The following EEIG1 variants were observed in gnomAD, a reference collection of about 807,000 sequenced individuals.
EEIG1 encodes the protein estrogen-induced osteoclastogenesis regulator 1, also known as early estrogen-induced gene 1 protein.
the EEIG1 span, among the ~76,000 whole-genome samples, chr9:127,953,006 C>G: frequency 6.6e-6 from 1 of 152,160 alleles, no homozygotes; most frequent in Non-Finnish European, 1.5e-5. Context: ...CGTGAGCCAC[C>G]ATGCCCAGCC....
chr9:127,964,246 T>C, the EEIG1 span, among the ~76,000 whole-genome samples: 2 of 152,172 alleles, frequency 1.3e-5, no homozygotes, highest in Admixed American at 6.5e-5. Context: ...ACAGCACCTC[T>C]CTCCACTGCT....
the EEIG1 span, chr9:127,950,689 T>TGGGACCCAAGGACAG: frequency 4.2e-6 from 6 of 1,427,484 alleles, no homozygotes; most frequent in Non-Finnish European, 5.5e-6. Flanking sequence ...GTTGCATAAC[T>TGGGACCCAAGGACAG]GGGACCCAAG....
At chr9:127,978,057 AG>A in the EEIG1 span, among the ~76,000 whole-genome samples, 1 of 152,136 alleles carries the variant, frequency 6.6e-6, no homozygotes, top group Admixed American at 6.5e-5. Context: ...TCAGGATCAC[AG>A]GCTTCCCAGG....
chr9:127,955,741 A>G, the EEIG1 span, among the ~76,000 whole-genome samples: 37 of 152,342 alleles, frequency 2.4e-4, no homozygotes, highest in East Asian at 6.9e-3. Flanking sequence ...TTCCTTAGCC[A>G]ATGAAAGCCC....
chr9:127,966,010 G>A, the EEIG1 span, among the ~76,000 whole-genome samples: 1 of 152,144 alleles, frequency 6.6e-6, no homozygotes, highest in Non-Finnish European at 1.5e-5. Context: ...GCCCCAAAAC[G>A]CTCTTTGTTC....
chr9:127,950,588 T>C, the EEIG1 span: 1 of 1,597,158 alleles, frequency 6.3e-7, no homozygotes, highest in Non-Finnish European at 8.6e-7. Context: ...TGTGGGCTCC[T>C]GGCTGGCGGA....
At chr9:127,945,668 G>T in the EEIG1 span, 1 of 1,594,660 alleles carries the variant, frequency 6.3e-7, no homozygotes, top group Non-Finnish European at 8.5e-7. The surrounding 1 kb of genome is among the most constrained non-coding windows in gnomAD (Gnocchi z 6.5). Flanking sequence ...TGGACTGCTG[G>T]CTGGCATAGC....
At chr9:127,978,491 C>T in the EEIG1 span, among the ~76,000 whole-genome samples, 1 of 151,912 alleles carries the variant, frequency 6.6e-6, no homozygotes, top group African/African-American at 2.4e-5. Flanking sequence ...CCCAGGCACT[C>T]GGCCAGGCCC....
chr9:127,954,534 T>C, the EEIG1 span, among the ~76,000 whole-genome samples: 2 of 152,336 alleles, frequency 1.3e-5, no homozygotes, highest in South Asian at 4.1e-4. Context: ...TGCCAGGCAC[T>C]GTTCAAAGAA....
the EEIG1 span, among the ~76,000 whole-genome samples, chr9:127,965,758 CGAAGA>C: frequency 6.6e-6 from 1 of 152,214 alleles, no homozygotes; most frequent in Non-Finnish European, 1.5e-5. Flanking sequence ...TGTGCTTCCC[CGAAGA>C]GAAGAGAATA....
chr9:127,958,034 C>T, the EEIG1 span, among the ~76,000 whole-genome samples: 1 of 152,152 alleles, frequency 6.6e-6, no homozygotes, highest in Non-Finnish European at 1.5e-5. Context: ...CCAACCTTCA[C>T]TTTTATGGTC....
chr9:127,964,503 C>T, the EEIG1 span, among the ~76,000 whole-genome samples: 1,937 of 152,326 alleles, frequency 0.013, 123 homozygotes, highest in East Asian at 0.2. Flanking sequence ...AGACAGGGGT[C>T]AAATGGGCCC....
chr9:127,962,189 T>C, the EEIG1 span, among the ~76,000 whole-genome samples: 1 of 152,264 alleles, frequency 6.6e-6, no homozygotes, highest in Middle Eastern at 3.4e-3. Context: ...TTTTATTTAA[T>C]TTTTTAAAGT....
the EEIG1 span, chr9:127,950,370 G>T: frequency 3.2e-6 from 5 of 1,568,754 alleles, no homozygotes; most frequent in African/African-American, 4.1e-5. Context: ...TGAGCAGCCT[G>T]GTTTGTCCCC....
At chr9:127,961,325 T>C in the EEIG1 span, among the ~76,000 whole-genome samples, 1 of 151,798 alleles carries the variant, frequency 6.6e-6, no homozygotes. Context: ...GCAGGGATCA[T>C]GGTGGGAGAT....
At chr9:127,960,073 G>A in the EEIG1 span, among the ~76,000 whole-genome samples, 1 of 152,226 alleles carries the variant, frequency 6.6e-6, no homozygotes, top group Non-Finnish European at 1.5e-5. Context: ...TAGAAAAATG[G>A]AGAACACCAC....
At chr9:127,970,805 G>GTGCCTCTGCCCTTGCCA in the EEIG1 span, among the ~76,000 whole-genome samples, 1 of 152,128 alleles carries the variant, frequency 6.6e-6, no homozygotes, top group Non-Finnish European at 1.5e-5. Context: ...CGCCCTTGCC[G>GTGCCTCTGCCCTTGCCA]TGCCTCTGCC....
chr9:127,978,033 C>T, the EEIG1 span, among the ~76,000 whole-genome samples: 1 of 152,214 alleles, frequency 6.6e-6, no homozygotes, highest in Non-Finnish European at 1.5e-5. Context: ...CCTCAGACTG[C>T]TGTGTGGGTG....
chr9:127,965,168 C>T, the EEIG1 span, among the ~76,000 whole-genome samples: 4 of 147,336 alleles, frequency 2.7e-5, no homozygotes, highest in African/African-American at 1.0e-4. Flanking sequence ...AAACATTCCA[C>T]TGGCTCATGA....
Sources: gnomAD v4.1 joint callset for allele counts (sites outside exome capture counted in the v4.1 genomes callset) on GRCh38, gnomAD v4.1.1 for gene constraint, Gnocchi (gnomAD v3.1) non-coding constraint, MANE v1.5 for transcripts, NCBI Gene and HGNC (gene_info 2026-07-23, HGNC 2026-07-21) for gene names.